Variants in CIITA observed in about 807,000 individuals in gnomAD.
The protein encoded by CIITA is MHC class II transactivator.
Under a neutral mutation model 115.1 loss-of-function variants are expected in CIITA, and 72 were observed. The observed-to-expected ratio is 0.63, with a 90% CI of 0.52 to 0.76. The LOEUF is 0.76. Ranked by LOEUF, CIITA falls within the 30% of genes least tolerant of loss-of-function variation. CIITA has a pLI of 0.00. For synonymous variants in CIITA, 763 were observed against 635.6 expected, an observed-to-expected ratio of 1.20 and a Z score of -3.02; for missense variants, 1,617 against 1,463.8, an observed-to-expected ratio of 1.10 and a Z score of -1.71.
intron 1 of CIITA, among the ~76,000 whole-genome samples, chr16:10,868,497 TG>T (rs2035247923): frequency 6.6e-6 from 1 of 152,220 alleles, no homozygotes; most frequent in African/African-American, 2.4e-5. Flanking sequence ...CATCGTCTAT[TG>T]GACTCCTCTT....
intron 15 of CIITA, chr16:10,916,749 C>A: frequency 4.2e-6 from 2 of 480,678 alleles, no homozygotes; most frequent in Non-Finnish European, 7.7e-6. Context: ...TCCTTCCATT[C>A]AATGATTCAT....
chr16:10,941,804 C>A lies in CIITA; in HGVS notation n.930C>A, dbSNP rs972512520. 1.1e-5 allele frequency: 17 copies of A among 1,613,482 alleles called. No homozygotes were observed. The Admixed American group carries it at 2.7e-4, about 25-fold the overall frequency. On this transcript the variant is annotated non_coding_transcript_exon_variant, in exon 2 of 2. Coordinates refer to the CIITA transcript ENST00000573379. The surrounding 1 kb of genome is among the most constrained non-coding windows in gnomAD (Gnocchi z 6.4). ...GGGTCGGAGAGCACGCCGAGGTCCA[C>A]GAGCGCCTGGTCCATGTCCTCGGGC...
chr16:10,869,584 C>A (rs975856563), intron 1 of CIITA, among the ~76,000 whole-genome samples: 2 of 150,924 alleles, frequency 1.3e-5, no homozygotes, highest in Non-Finnish European at 2.9e-5. Context: ...GTGGTGAGAT[C>A]TCAGCTCACT....
chr16:10,888,688 A>C (rs2037211209), intron 1 of CIITA: 1 of 152,256 alleles, frequency 6.6e-6, no homozygotes, highest in African/African-American at 2.4e-5. Flanking sequence ...CCCAGGGGGA[A>C]GCACAGTTTC....
At chr16:10,937,642 A>G (rs1455497518), downstream of CIITA, 1 of 152,246 alleles carries the variant, frequency 6.6e-6, no homozygotes, top group Non-Finnish European at 1.5e-5. This position sits in a 1 kb window ranked among gnomAD's most constrained non-coding sequence, Gnocchi z 4.2. Flanking sequence ...GGCAGGTACC[A>G]GCAGCTTTCA....
intron 15 of CIITA, among the ~76,000 whole-genome samples, chr16:10,917,513 G>A (rs948534334): frequency 7.2e-6 from 1 of 138,312 alleles, no homozygotes; most frequent in Admixed American, 8.3e-5. Flanking sequence ...ACGGAGTCTC[G>A]CTCTGTAGCC....
In CIITA at chr16:10,927,233, T is replaced by C. The variant is rs1484526753; in HGVS notation, c.*3378T>C. On this transcript the variant is annotated 3_prime_UTR_variant, in exon 20 of 20. Transcript: ENST00000324288. Reference sequence around the variant, plus strand: ...GGAATGTTCTTCCCAGCTCTCCATATGGCTGATTTCTCATCCTTCGGGACT... The same window carrying C: ...GGAATGTTCTTCCCAGCTCTCCATACGGCTGATTTCTCATCCTTCGGGACT... 1 of 152,280 alleles carries C rather than the reference T, an allele frequency of 6.6e-6. No individual in the cohort carries two copies. Among genetic ancestry groups the C allele is most frequent in the Non-Finnish European group, 1.5e-5 (1 of 68,058 alleles). The allele number at this position is 152,280 out of a possible 1,614,324, so 9.4% of individuals were successfully genotyped here. A position where few individuals can be genotyped will look rare whatever the true frequency, so the allele number is the denominator to read the frequency against.
chr16:10,939,375 C>G (rs930576885), downstream of CIITA: 6 of 152,410 alleles, frequency 3.9e-5, no homozygotes, highest in Admixed American at 1.3e-4. The surrounding 1 kb of genome is among the most constrained non-coding windows in gnomAD (Gnocchi z 4.9). Context: ...CATCTCCTGC[C>G]TAGAACCTTC....
upstream of CIITA, among the ~76,000 whole-genome samples, chr16:10,876,629 G>A (rs928271394): frequency 6.6e-6 from 1 of 152,182 alleles, no homozygotes; most frequent in Admixed American, 6.5e-5. Context: ...ACTTTGGCGG[G>A]TCACCCCAAA....
At chr16:10,938,831 G>C (rs1047596351), downstream of CIITA, 3 of 152,208 alleles carry the variant, frequency 2.0e-5, no homozygotes, top group Admixed American at 6.5e-5. The surrounding 1 kb of genome is among the most constrained non-coding windows in gnomAD (Gnocchi z 4.9). Context: ...TGGTGTTTCT[G>C]CTTAAACAGC....
chr16:10,923,818 C>T lies in CIITA; in HGVS notation c.*23-60C>T, dbSNP rs1450604622. Reference sequence around the variant, plus strand: ...TCTTGATAGCACCCTTCCCAGGTGTCAAGCTGCCCCTCCTAGAGTGTCCTG... The same window carrying T: ...TCTTGATAGCACCCTTCCCAGGTGTTAAGCTGCCCCTCCTAGAGTGTCCTG... On this transcript the variant is annotated intron_variant, in intron 19 of 19. Transcript: ENST00000324288. This position sits in a 1 kb window ranked among gnomAD's most constrained non-coding sequence, Gnocchi z 5.2. The T allele has an allele frequency of 5.5e-6, 1 of 181,620 alleles. No homozygotes were observed. The highest frequency in any genetic ancestry group is 1.6e-4 in the East Asian group (1 of 6,368). 11.3% of individuals were successfully genotyped at this position (181,620 alleles called of 1,614,324 possible).
chr16:10,910,097 TTGGGGCAC>T, intron 12 of CIITA, 83 bp from the exon 13 acceptor site: 1 of 1,052,818 alleles, frequency 9.5e-7, no homozygotes, highest in South Asian at 1.3e-5. Flanking sequence ...CCTGGGGAAT[TTGGGGCAC>T]TGGGGCAGCC....
Position 10,903,885 on chromosome 16 carries a change from A to C in CIITA, c.927A>C (p.Ala309=). The change falls in exon 9 of 20, where the codon GCA becomes GCC. Residue 309 remains alanine (A), a synonymous_variant. Transcript: ENST00000324288. ...CTGAACCTGCCCTGACCTCCCGAGC[A>C]AACATGACAGGTAAGGACCCTTAGG... ...SMPEPALTSR[A]NMTEHKTSPT... 6.2e-7 allele frequency: 1 copy of C among 1,614,220 alleles called. No homozygotes were observed. Among genetic ancestry groups the C allele is most frequent in the African/African-American group, 1.3e-5 (1 of 75,060 alleles).
At chr16:10,892,281 A>G (rs1166443763) in intron 1 of CIITA, among the ~76,000 whole-genome samples, 1 of 151,864 alleles carries the variant, frequency 6.6e-6, no homozygotes, top group Non-Finnish European at 1.5e-5. Context: ...CCAAGATTGC[A>G]CCACTGCACT....
chr16:10,905,766 A>T (rs2039102092), intron 10 of CIITA, among the ~76,000 whole-genome samples: 2 of 151,966 alleles, frequency 1.3e-5, no homozygotes, highest in Non-Finnish European at 2.9e-5. Flanking sequence ...ATCTCAAAAA[A>T]AAAAAAGAGA....
chr16:10,867,912 T>C (rs1046631288), intron 1 of CIITA, among the ~76,000 whole-genome samples: 9 of 151,944 alleles, frequency 5.9e-5, no homozygotes, highest in African/African-American at 2.2e-4. Flanking sequence ...TGCACCACTA[T>C]GCCTGGCTAA....
At chr16:10,868,698 C>T (rs749609424) in intron 1 of CIITA, among the ~76,000 whole-genome samples, 58 of 152,302 alleles carry the variant, frequency 3.8e-4, no homozygotes, top group South Asian at 2.7e-3. Context: ...GCCACATGTG[C>T]CTTCACTGCC....
At chr16:10,940,958 C>G (rs2041094905), downstream of CIITA, 1 of 152,218 alleles carries the variant, frequency 6.6e-6, no homozygotes, top group African/African-American at 2.4e-5. The surrounding 1 kb of genome is among the most constrained non-coding windows in gnomAD (Gnocchi z 4.2). Context: ...CAGTTCTGAG[C>G]TGCAGAACTG....
At chr16:10,897,470 G>A (rs2038248590) in intron 3 of CIITA, among the ~76,000 whole-genome samples, 1 of 152,152 alleles carries the variant, frequency 6.6e-6, no homozygotes, top group Non-Finnish European at 1.5e-5. Context: ...TGCCACATAG[G>A]GGATTACATT....
Sources: gnomAD v4.1 joint callset for allele counts (sites outside exome capture counted in the v4.1 genomes callset) on GRCh38, gnomAD v4.1.1 for gene constraint, Gnocchi (gnomAD v3.1) non-coding constraint, MANE v1.5 for transcripts, NCBI Gene and HGNC (gene_info 2026-07-23, HGNC 2026-07-21) for gene names.